The following FBN3 variants were observed in gnomAD, a reference collection of about 807,000 sequenced individuals.
The protein encoded by FBN3 is fibrillin-3.
FBN3 carries 234 observed loss-of-function variants against 330.1 expected under a neutral mutation model. The ratio of observed to expected loss-of-function variants is 0.71; its 90% CI spans 0.64 to 0.79. The LOEUF (loss-of-function observed/expected upper bound fraction) is 0.79, where lower values mean the gene tolerates loss of function less well. Ranked by LOEUF, FBN3 falls within the 30% of genes least tolerant of loss-of-function variation. The probability of loss-of-function intolerance (pLI) is 0.00; values close to 1 mark genes in which losing one functional copy is unlikely to be tolerated. For missense variants in FBN3, 3,606 were observed against 3,886.9 expected (o/e 0.93, Z 1.92); for synonymous variants, 1,458 against 1,517.3 (o/e 0.96, Z 0.91).
chr19:8,086,516 G>A (rs1320670816), intron 54 of FBN3, among the ~76,000 whole-genome samples, 191 bp from the exon 55 acceptor site: 1 of 148,480 alleles, frequency 6.7e-6, no homozygotes, highest in Non-Finnish European at 1.5e-5. Flanking sequence ...GAGTGCAATT[G>A]CCTGATCTTG....
At chr19:8,071,022 CAAAA>C (rs34381445) in intron 63 of FBN3, among the ~76,000 whole-genome samples, 2 of 96,088 alleles carry the variant, frequency 2.1e-5, no homozygotes, top group African/African-American at 4.7e-5. Flanking sequence ...GACTCTGTCT[CAAAA>C]AAAAAAAAAA....
rs748887940 is a variant in FBN3, at chr19:8,131,852, G to C, written c.1715-23C>G. 8 of 1,558,460 alleles carry C rather than the reference G, an allele frequency of 5.1e-6. No homozygotes were observed. Among genetic ancestry groups the C allele is most frequent in the Non-Finnish European group, 7.0e-6 (8 of 1,147,858 alleles). ...TGTCTGCAGAAGCAGTGGCGGCACG[G>C]GGATGGGTTCCAGCGTGCTCCCTTC... On this transcript the variant is annotated intron_variant, in intron 14 of 63. Coordinates refer to ENST00000600128, the MANE Select transcript of FBN3 (RefSeq NM_032447.5). This position sits in a 1 kb window ranked among gnomAD's most constrained non-coding sequence, Gnocchi z 4.5.
chr19:8,135,936 G>GGGGCCCCCCCCCCCCCC, intron 13 of FBN3, 25 bp downstream of exon 13: 4 of 668,778 alleles, frequency 6.0e-6, no homozygotes, highest in Non-Finnish European at 9.6e-6. Context: ...GGAAGCCCCT[G>GGGGCCCCCCCCCCCCCC]CCCACCCGCC....
intron 1 of FBN3, 67 bp from the exon 2 acceptor site, chr19:8,147,564 A>C: frequency 1.1e-5 from 14 of 1,323,408 alleles, no homozygotes; most frequent in Non-Finnish European, 1.3e-5. Context: ...ACCCAACACA[A>C]CGAGGAGGGC....
chr19:8,141,096 G>A, intron 8 of FBN3, among the ~76,000 whole-genome samples: 1 of 150,872 alleles, frequency 6.6e-6, no homozygotes, highest in South Asian at 2.1e-4. Context: ...TCGGGAGGCT[G>A]AGGCAGGGGA....
chr19:8,136,491 G>A lies in FBN3; in HGVS notation c.1242C>T (p.His414=). The change falls in exon 11 of 64, where the codon CAC becomes CAT. Residue 414 remains histidine, a synonymous_variant. Coordinates refer to ENST00000600128, the MANE Select transcript of FBN3 (RefSeq NM_032447.5). ...GGCCATTCAGACACAGGTTGGTGAA[G>A]TGTCGGCAGATGTCAATGGTCTGGT... ...TLNQTIDICR[H]FTNLCLNGRC... is the part of the protein sequence containing the mutation. 5 of 1,614,184 alleles carry A rather than the reference G, an allele frequency of 3.1e-6. No homozygotes were observed. The highest frequency in any genetic ancestry group is 4.2e-6 in the Non-Finnish European group (5 of 1,180,014).
chr19:8,139,290 T>A lies in FBN3; in HGVS notation c.866-726A>T, dbSNP rs182160606. ...TCAACCTGGGAGGCAGAGGTTGTAG[T>A]GAGCCAAGATTGTGCCACTGCACTC... On this transcript the variant is annotated intron_variant, in intron 8 of 63. Coordinates refer to ENST00000600128, the MANE Select transcript of FBN3 (RefSeq NM_032447.5). 1.7e-4 allele frequency among the ~76,000 whole-genome samples: 26 copies of A among 152,290 alleles called. 1 individual carries two copies. The highest frequency in any genetic ancestry group is 1.4e-3 in the Admixed American group (22 of 15,286).
chr19:8,096,386 G>A lies in FBN3; in HGVS notation c.5539+58C>T. 3 of 1,572,958 alleles carry A rather than the reference G, an allele frequency of 1.9e-6. No homozygotes were observed. The South Asian group carries it at 3.5e-5, about 18-fold the overall frequency. On this transcript the variant is annotated intron_variant, in intron 44 of 63. Coordinates refer to ENST00000600128, the MANE Select transcript of FBN3 (RefSeq NM_032447.5). This position sits in a 1 kb window ranked among gnomAD's most constrained non-coding sequence, Gnocchi z 4.6. ...ACAGAAACACCACTTCCATCCCAGG[G>A]GAGGTTTAGACCCCAGGCAGCCTGG...
chr19:8,143,107 C>T (rs1252601847), intron 6 of FBN3, among the ~76,000 whole-genome samples: 1 of 152,156 alleles, frequency 6.6e-6, no homozygotes, highest in African/African-American at 2.4e-5. Context: ...CACTCCGGTT[C>T]TCTTTCTCTT....
intron 25 of FBN3, among the ~76,000 whole-genome samples, chr19:8,120,476 T>TCTTC (rs139010928): frequency 3.1e-4 from 46 of 149,908 alleles, no homozygotes; most frequent in African/African-American, 6.4e-4. Flanking sequence ...GGCTTTTTCC[T>TCTTC]CTTCCTTCCT....
intron 38 of FBN3, among the ~76,000 whole-genome samples, chr19:8,104,688 G>A (rs938468731): frequency 6.6e-6 from 1 of 152,038 alleles, no homozygotes; most frequent in African/African-American, 2.4e-5. Flanking sequence ...CTAGTCCAGG[G>A]GTAGTAAGCT....
chr19:8,073,220 C>G lies in FBN3; in HGVS notation c.7780G>C (p.Val2594Leu), dbSNP rs35318692. ...CRNTLGGFRC[V>L]CPSGFDFDQA... ...TCAAAGTCAAAGCCAGAGGGGCAGA[C>G]GCAGCGGAAGCCACCAAGAGTGTTG... is the stretch of plus-strand genomic sequence containing the variant. Residue 2594 changes from valine to leucine, a missense_variant, in exon 62 of 64, where the codon GTC becomes CTC. Coordinates refer to ENST00000600128, the MANE Select transcript of FBN3 (RefSeq NM_032447.5). 15 of 1,613,938 alleles carry G rather than the reference C, an allele frequency of 9.3e-6. No homozygotes were observed. In the African/African-American group the frequency reaches 1.5e-4, roughly 16 times the overall value.
At chr19:8,141,356 ACT>A (rs968566615) in intron 8 of FBN3, among the ~76,000 whole-genome samples, 10 of 130,878 alleles carry the variant, frequency 7.6e-5, no homozygotes, top group African/African-American at 3.1e-4. Context: ...ACAGAGTGAG[ACT>A]CTGTCTCAAA....
chr19:8,147,258 C>G, intron 2 of FBN3, 56 bp downstream of exon 2: 1 of 1,563,992 alleles, frequency 6.4e-7, no homozygotes, highest in Non-Finnish European at 8.7e-7. Context: ...TCCGCTGGCC[C>G]CAGGACAGCC....
intron 8 of FBN3, among the ~76,000 whole-genome samples, chr19:8,140,537 T>C (rs2083387812): frequency 1.3e-5 from 2 of 152,330 alleles, no homozygotes; most frequent in African/African-American, 4.8e-5. Flanking sequence ...AGCCCCAACA[T>C]TACCTGGTGT....
chr19:8,103,031 C>T lies in FBN3; in HGVS notation c.4940-158G>A, dbSNP rs529605477. Among the ~76,000 whole-genome samples the T allele has an allele frequency of 2.0e-3, 310 of 152,122 alleles. 1 individual carries two copies. Among genetic ancestry groups the T allele is most frequent in the African/African-American group, 7.1e-3 (295 of 41,536 alleles). The stretch of plus-strand genomic sequence containing the variant: ...CCTGTAATCCCAGCACTTTGGGAGG[C>T]GGAGGCGGGCGGATCACTTGAGGTC... On this transcript the variant is annotated intron_variant, in intron 39 of 63. Transcript: ENST00000600128.
At chr19:8,083,805 C>CTTTTCTTTTTTTT (rs766533055) in intron 56 of FBN3, among the ~76,000 whole-genome samples, 4 of 134,086 alleles carry the variant, frequency 3.0e-5, no homozygotes, top group African/African-American at 5.5e-5. Context: ...ACTATTTTTT[C>CTTTTCTTTTTTTT]TTTTTTTTTT....
At chr19:8,069,470 T>C (rs1301183809) in intron 63 of FBN3, among the ~76,000 whole-genome samples, 1 of 144,442 alleles carries the variant, frequency 6.9e-6, no homozygotes, top group African/African-American at 2.6e-5. Context: ...TGAAAGTTAT[T>C]CCTGTTCCCC....
intron 21 of FBN3, 97 bp downstream of exon 21, chr19:8,126,200 C>G: frequency 6.9e-7 from 1 of 1,459,088 alleles, no homozygotes; most frequent in African/African-American, 1.4e-5. Flanking sequence ...GCAAAAGACT[C>G]CAGGGCGGGG....
Sources: gnomAD v4.1 joint callset for allele counts (sites outside exome capture counted in the v4.1 genomes callset) on GRCh38, gnomAD v4.1.1 for gene constraint, Gnocchi (gnomAD v3.1) non-coding constraint, MANE v1.5 for transcripts, NCBI Gene and HGNC (gene_info 2026-07-23, HGNC 2026-07-21) for gene names.